MARCHF1: variants seen among roughly 807,000 people sequenced by gnomAD.
The protein encoded by MARCHF1 is membrane associated ring-CH-type finger 1.
A neutral mutation model predicts 54.2 loss-of-function variants in MARCHF1; 40 were observed. The ratio of observed to expected loss-of-function variants is 0.74; its 90% CI spans 0.57 to 0.96. MARCHF1 has a LOEUF of 0.96. Among genes scored for constraint, MARCHF1 ranks in the 40% least tolerant of loss-of-function variants. The pLI, the probability that MARCHF1 is intolerant of heterozygous loss-of-function variation, is 0.00. For missense variants in MARCHF1, 586 were observed against 656.5 expected, an observed-to-expected ratio of 0.89 and a Z score of 1.17; for synonymous variants, 236 against 236.3, an observed-to-expected ratio of 1.00 and a Z score of 0.01.
intron 1 of MARCHF1, among the ~76,000 whole-genome samples, chr4:164,214,495 A>C (rs532430341): frequency 4.6e-5 from 7 of 152,134 alleles, no homozygotes; most frequent in Non-Finnish European, 1.0e-4. Context: ...TTAAATGTCT[A>C]ATATGACATG....
chr4:164,330,761 G>A lies in MARCHF1; in HGVS notation c.-323+53109C>T, dbSNP rs1020138813. 4.6e-5 allele frequency among the ~76,000 whole-genome samples: 7 copies of A among 152,076 alleles called. 1 individual carries two copies. Among genetic ancestry groups the A allele is most frequent in the Admixed American group, 3.3e-4 (5 of 15,254 alleles). Reference sequence around the variant, plus strand: ...GTGCAAAATACCAAAATCATACTCAGCACCAAATTTCTTATATTAAAGATT... The same window carrying A: ...GTGCAAAATACCAAAATCATACTCAACACCAAATTTCTTATATTAAAGATT... On this transcript the variant is annotated intron_variant, in intron 1 of 9. Coordinates refer to ENST00000514618, the MANE Select transcript of MARCHF1 (RefSeq NM_001394959.1).
chr4:163,678,437 A>T (rs1217990149), intron 5 of MARCHF1, among the ~76,000 whole-genome samples: 2 of 152,204 alleles, frequency 1.3e-5, no homozygotes, highest in African/African-American at 4.8e-5. Flanking sequence ...AAAATGCATT[A>T]TTCTTTTTTG....
chr4:164,176,980 C>CTCTCTATATA (rs1466683245), intron 1 of MARCHF1, among the ~76,000 whole-genome samples: 31 of 58,884 alleles, frequency 5.3e-4, no homozygotes, highest in African/African-American at 1.8e-3. Context: ...CTCTCTCTCT[C>CTCTCTATATA]TATATATATA....
At chr4:164,301,524 G>A (rs990042314) in intron 1 of MARCHF1, among the ~76,000 whole-genome samples, 4 of 152,164 alleles carry the variant, frequency 2.6e-5, no homozygotes, top group African/African-American at 7.2e-5. Flanking sequence ...ATGGTGCTCA[G>A]GAGAGCGGAT....
rs961755924 is a variant in MARCHF1 at position 163,574,220 on chromosome 4, G to T, written c.1191+11529C>A. Reference sequence around the variant, plus strand: ...TGTAGATTCTGGATATTAGCCCTTTGTCAGATGATTAGGTTGCGAAAATTT... The same window carrying T: ...TGTAGATTCTGGATATTAGCCCTTTTTCAGATGATTAGGTTGCGAAAATTT... On this transcript the variant is annotated intron_variant, in intron 8 of 9. Coordinates refer to ENST00000514618, the MANE Select transcript of MARCHF1 (RefSeq NM_001394959.1). Among the ~76,000 whole-genome samples, 10 of 152,130 alleles carry T rather than the reference G, an allele frequency of 6.6e-5. 1 individual carries two copies. The highest frequency in any genetic ancestry group is 1.3e-4 in the Non-Finnish European group (9 of 68,028).
rs562056817 is a variant in MARCHF1, at chr4:163,879,259, A to C, written c.-38-25090T>G. The stretch of plus-strand genomic sequence containing the variant: ...AAACTGGGGCAACTGAGGCAATAAG[A>C]GGGAATTCCTGGGTTTGAGGGTGCT... On this transcript the variant is annotated intron_variant, in intron 3 of 9. Transcript: ENST00000514618. 9.2e-5 allele frequency among the ~76,000 whole-genome samples: 14 copies of C among 152,240 alleles called. No individual in the cohort carries two copies. In the South Asian group the frequency reaches 2.9e-3, roughly 32 times the overall value.
At chr4:163,690,391 C>T (rs6857804) in intron 5 of MARCHF1, among the ~76,000 whole-genome samples, 6,445 of 152,170 alleles carry the variant, frequency 0.042, 164 homozygotes, top group African/African-American at 0.071. Flanking sequence ...TGTTATTGAT[C>T]CTAGCTTCTT....
At chr4:164,045,463 G>T (rs1754222211) in intron 2 of MARCHF1, among the ~76,000 whole-genome samples, 1 of 151,936 alleles carries the variant, frequency 6.6e-6, no homozygotes, top group East Asian at 1.9e-4. Flanking sequence ...AGTGAGCCAA[G>T]ATTGTGACAC....
At chr4:163,921,606 G>A (rs778524909) in intron 3 of MARCHF1, among the ~76,000 whole-genome samples, 14 of 143,432 alleles carry the variant, frequency 9.8e-5, no homozygotes, top group African/African-American at 3.1e-4. Context: ...GGAATTCTTC[G>A]TTGGTTATAT....
chr4:164,286,165 A>G (rs1734143496), intron 1 of MARCHF1, among the ~76,000 whole-genome samples: 1 of 152,212 alleles, frequency 6.6e-6, no homozygotes, highest in Non-Finnish European at 1.5e-5. Context: ...CAAAAGATAA[A>G]TGGAAATTTT....
chr4:163,575,019 G>A (rs1231940691), intron 8 of MARCHF1, among the ~76,000 whole-genome samples: 9 of 151,600 alleles, frequency 5.9e-5, no homozygotes, highest in Non-Finnish European at 5.9e-5. Context: ...TCTCCTTGAC[G>A]TGATCTTGCC....
At chr4:163,782,962 G>A (rs1747512420) in intron 4 of MARCHF1, among the ~76,000 whole-genome samples, 2 of 151,988 alleles carry the variant, frequency 1.3e-5, no homozygotes, top group Admixed American at 1.3e-4. Context: ...ACAGAATGGA[G>A]AACTAGATTA....
intron 3 of MARCHF1, among the ~76,000 whole-genome samples, chr4:163,962,451 T>G (rs1046840918): frequency 6.6e-6 from 1 of 151,834 alleles, no homozygotes; most frequent in Non-Finnish European, 1.5e-5. Flanking sequence ...ATCACAAAAT[T>G]TACAGGTCCA....
chr4:164,003,585 T>C (rs578176661), intron 2 of MARCHF1, among the ~76,000 whole-genome samples: 123 of 152,152 alleles, frequency 8.1e-4, no homozygotes, highest in African/African-American at 2.5e-3. Flanking sequence ...GCTAAAATAA[T>C]GAGGTACCAT....
At chr4:163,616,417 A>C (rs1404485586) in intron 5 of MARCHF1, among the ~76,000 whole-genome samples, 1 of 152,140 alleles carries the variant, frequency 6.6e-6, no homozygotes, top group Non-Finnish European at 1.5e-5. Context: ...CAGTAATAAG[A>C]ATAATCTGAT....
intron 3 of MARCHF1, among the ~76,000 whole-genome samples, chr4:163,883,672 T>G (rs1449432572): frequency 6.6e-6 from 1 of 152,196 alleles, no homozygotes; most frequent in African/African-American, 2.4e-5. Flanking sequence ...AATTTTTTAG[T>G]GTAAGTATGA....
chr4:163,790,152 G>GA (rs1475866404), intron 4 of MARCHF1, among the ~76,000 whole-genome samples: 1 of 152,064 alleles, frequency 6.6e-6, no homozygotes, highest in African/African-American at 2.4e-5. Context: ...AGTCATATGA[G>GA]AAAGAAAGGT....
intron 1 of MARCHF1, among the ~76,000 whole-genome samples, chr4:164,330,690 G>A (rs1735412817): frequency 6.6e-6 from 1 of 152,128 alleles, no homozygotes; most frequent in Admixed American, 6.6e-5. Flanking sequence ...GGCAGTAGGG[G>A]TCCTTTGAAA....
At chr4:164,097,394 A>C (rs1755439322) in intron 2 of MARCHF1, among the ~76,000 whole-genome samples, 1 of 152,182 alleles carries the variant, frequency 6.6e-6, no homozygotes. Flanking sequence ...CATTAGCGAT[A>C]TCTTTGAAAT....
Sources: gnomAD v4.1 joint callset for allele counts (sites outside exome capture counted in the v4.1 genomes callset) on GRCh38, gnomAD v4.1.1 for gene constraint, MANE v1.5 for transcripts, NCBI Gene and HGNC (gene_info 2026-07-23, HGNC 2026-07-21) for gene names.